Variants in ZNF385D observed in about 807,000 individuals in gnomAD.
ZNF385D encodes the protein zinc finger protein 385D.
In ZNF385D, 15 loss-of-function variants were observed where a neutral mutation model predicts 35.8. That is an observed-to-expected ratio of 0.42 (90% confidence interval 0.28 to 0.64). The LOEUF (loss-of-function observed/expected upper bound fraction) is 0.64, where lower values mean the gene tolerates loss of function less well. ZNF385D is among the 30% of genes least tolerant of loss of function. The pLI, the probability that ZNF385D is intolerant of heterozygous loss-of-function variation, is 0.23. For missense variants in ZNF385D, 474 were observed against 494.6 expected (o/e 0.96, Z 0.39); for synonymous variants, 212 against 186.8 (o/e 1.13, Z -1.10).
At chr3:22,093,419 TTTAC>T (rs1417643700) in intron 3 of ZNF385D, among the ~76,000 whole-genome samples, 2 of 151,826 alleles carry the variant, frequency 1.3e-5, no homozygotes, top group African/African-American at 4.8e-5. Flanking sequence ...TTAAATTTAT[TTTAC>T]TTAATTTAAA....
chr3:22,203,243 A>C (rs1234141003), intron 2 of ZNF385D, among the ~76,000 whole-genome samples: 1 of 152,108 alleles, frequency 6.6e-6, no homozygotes, highest in Non-Finnish European at 1.5e-5. Flanking sequence ...CGAGGCCCTC[A>C]TTCTAGGGCC....
At chr3:21,631,022 A>G (rs796246773) in intron 2 of ZNF385D, among the ~76,000 whole-genome samples, 59 of 152,268 alleles carry the variant, frequency 3.9e-4, no homozygotes, top group African/African-American at 1.4e-3. Flanking sequence ...TTTTCAACTC[A>G]TATGAGGGAA....
rs79669959 is a variant in ZNF385D at position 22,134,783 on chromosome 3, A to G, written c.325+34034T>C. Among the ~76,000 whole-genome samples, 274 of 152,236 alleles carry G rather than the reference A, an allele frequency of 1.8e-3. 4 individuals are homozygous for G. The South Asian group carries it at 0.028, about 16-fold the overall frequency. On this transcript the variant is annotated intron_variant, in intron 3 of 5. Transcript: ENST00000494108. ...TCCCTGTTGCTTCATACCATGGCAGAAGGTAGAAGGACAAGAGAGAGAGAT... is the reference window on the plus strand; with the variant it reads ...TCCCTGTTGCTTCATACCATGGCAGGAGGTAGAAGGACAAGAGAGAGAGAT...
chr3:22,203,433 G>A (rs566594555), intron 2 of ZNF385D, among the ~76,000 whole-genome samples: 5 of 152,210 alleles, frequency 3.3e-5, no homozygotes, highest in Non-Finnish European at 7.4e-5. Context: ...TCAAAGTTGT[G>A]GTGGCTACAA....
At chr3:22,150,760 A>G (rs1017864682) in intron 3 of ZNF385D, among the ~76,000 whole-genome samples, 1 of 152,158 alleles carries the variant, frequency 6.6e-6, no homozygotes, top group Non-Finnish European at 1.5e-5. Flanking sequence ...TTAAACATAT[A>G]TATATAATTA....
intron 1 of ZNF385D, among the ~76,000 whole-genome samples, chr3:21,747,861 T>G (rs542238532): frequency 6.6e-6 from 1 of 152,330 alleles, no homozygotes; most frequent in East Asian, 1.9e-4. Flanking sequence ...TATTAATGGC[T>G]ATTCATCTTT....
chr3:22,285,567 A>T (rs962857786), intron 2 of ZNF385D, among the ~76,000 whole-genome samples: 4 of 152,128 alleles, frequency 2.6e-5, no homozygotes, highest in African/African-American at 9.7e-5. Context: ...GTTTTAGGGT[A>T]CATGTGCACA....
chr3:21,885,758 G>A (rs1037463925), intron 3 of ZNF385D, among the ~76,000 whole-genome samples: 64 of 146,490 alleles, frequency 4.4e-4, no homozygotes, highest in African/African-American at 1.5e-3. Flanking sequence ...GTGTGTGTGT[G>A]TGTGTGTGTG....
At chr3:22,220,448 C>T (rs1364943842) in intron 2 of ZNF385D, among the ~76,000 whole-genome samples, 1 of 152,128 alleles carries the variant, frequency 6.6e-6, no homozygotes, top group Non-Finnish European at 1.5e-5. Flanking sequence ...CCATCCAAAT[C>T]TCAACTGGCA....
chr3:21,961,424 C>A (rs1048480325), intron 3 of ZNF385D: 2 of 151,440 alleles, frequency 1.3e-5, no homozygotes, highest in East Asian at 1.9e-4. Context: ...AGGTATTTTG[C>A]CAAAAAAATT....
At chr3:22,264,461 G>T (rs933582635) in intron 2 of ZNF385D, among the ~76,000 whole-genome samples, 4 of 151,940 alleles carry the variant, frequency 2.6e-5, no homozygotes, top group Admixed American at 2.6e-4. Flanking sequence ...ACAATGCATG[G>T]GTCAGAGCCT....
chr3:21,950,407 T>G (rs1166493247), intron 3 of ZNF385D, among the ~76,000 whole-genome samples: 1 of 151,910 alleles, frequency 6.6e-6, no homozygotes, highest in Non-Finnish European at 1.5e-5. Context: ...GAGGTGTTTT[T>G]TTCTTGTAAA....
intron 3 of ZNF385D, among the ~76,000 whole-genome samples, chr3:22,127,641 T>G (rs948285316): frequency 6.6e-6 from 1 of 151,926 alleles, no homozygotes; most frequent in Non-Finnish European, 1.5e-5. Context: ...TGCCTGGCCC[T>G]AAATGTTTTC....
chr3:21,730,591 G>C (rs1295724171), intron 1 of ZNF385D, among the ~76,000 whole-genome samples: 1 of 152,130 alleles, frequency 6.6e-6, no homozygotes, highest in African/African-American at 2.4e-5. Context: ...GTGAACAAAG[G>C]AGATCTAAAC....
intron 2 of ZNF385D, among the ~76,000 whole-genome samples, chr3:22,233,444 G>C (rs758320910): frequency 6.6e-6 from 1 of 152,150 alleles, no homozygotes; most frequent in Non-Finnish European, 1.5e-5. Flanking sequence ...ATTGAGAATG[G>C]TCACAGATGA....
intron 1 of ZNF385D, among the ~76,000 whole-genome samples, chr3:21,696,883 C>A (rs1257692544): frequency 1.3e-5 from 2 of 152,162 alleles, no homozygotes; most frequent in East Asian, 1.9e-4. Context: ...TAATAAGGAA[C>A]CTGAAGTTAG....
chr3:22,231,674 A>G lies in ZNF385D; in HGVS notation c.107-62639T>C, dbSNP rs114310521. 4.1e-3 allele frequency among the ~76,000 whole-genome samples: 626 copies of G among 152,062 alleles called. 4 individuals carry two copies. Among genetic ancestry groups the G allele is most frequent in the African/African-American group, 0.01 (416 of 41,488 alleles). On this transcript the variant is annotated intron_variant, in intron 2 of 5. Coordinates refer to the ZNF385D transcript ENST00000494108. ...CTTCCATACCTACTGGGGCAAAAAA[A>G]TTTTGCCAGGTAGATGGGTCCCAAT...
intron 2 of ZNF385D, among the ~76,000 whole-genome samples, chr3:22,302,063 C>T (rs1702931544): frequency 6.6e-6 from 1 of 151,992 alleles, no homozygotes; most frequent in South Asian, 2.1e-4. Flanking sequence ...AAACTATGCT[C>T]TTATGAAATT....
At chr3:22,164,608 CTTT>C (rs5847166) in intron 3 of ZNF385D, among the ~76,000 whole-genome samples, 4 of 138,340 alleles carry the variant, frequency 2.9e-5, no homozygotes, top group Non-Finnish European at 4.7e-5. Flanking sequence ...CCCAAAGGGA[CTTT>C]TTTTTTTTTT....
Sources: allele counts gnomAD v4.1 joint callset (sites outside exome capture counted in the v4.1 genomes callset), GRCh38; gene constraint gnomAD v4.1.1; transcripts MANE v1.5; gene names NCBI Gene and HGNC (gene_info 2026-07-23, HGNC 2026-07-21).